DNAJC9: variants seen among roughly 807,000 people sequenced by gnomAD.
The protein encoded by DNAJC9 is DnaJ heat shock protein family (Hsp40) member C9.
Under a neutral mutation model 32.4 loss-of-function variants are expected in DNAJC9, and 18 were observed. That is an observed-to-expected ratio of 0.56 (90% CI 0.38 to 0.82). DNAJC9 has a LOEUF of 0.82. DNAJC9 is among the 40% of genes least tolerant of loss of function. The probability of loss-of-function intolerance (pLI) is 0.00; values close to 1 mark genes in which losing one functional copy is unlikely to be tolerated. For synonymous variants in DNAJC9, 113 were observed against 122.1 expected (o/e 0.93, Z 0.49); for missense variants, 310 against 321.8 (o/e 0.96, Z 0.28).
chr10:73,246,809 G>A lies in DNAJC9; in HGVS notation c.200C>T (p.Ser67Phe), dbSNP rs1390965909. 1.2e-6 allele frequency: 2 copies of A among 1,614,188 alleles called. No homozygotes were observed. The highest frequency in any genetic ancestry group is 3.3e-5 in the Admixed American group (2 of 60,026). The stretch of plus-strand genomic sequence containing the variant: ...TCTCTGTTCTCTGTCACTGAGAACG[G>A]AATAGACTTTTCCCAGGATCTGAGG... ...RRFQILGKVY[S>F]VLSDREQRAV... Residue 67 changes from serine to phenylalanine, a missense_variant, in exon 2 of 5, where the codon TCC (serine) becomes TTC (phenylalanine). Transcript: ENST00000372950.
downstream of DNAJC9, among the ~76,000 whole-genome samples, chr10:73,237,086 C>T (rs986596781): frequency 3.3e-5 from 5 of 152,100 alleles, no homozygotes; most frequent in Non-Finnish European, 7.4e-5. Context: ...AGATACCAGT[C>T]GCTGAATTTA....
At chr10:73,233,229 A>T in intron 2 of DNAJC9, 1 of 1,107,692 alleles carries the variant, frequency 9.0e-7, no homozygotes, top group Non-Finnish European at 1.3e-6. Context: ...TACAGAATTA[A>T]TTTAAATATA....
rs1314445081 is a variant in DNAJC9 at position 73,243,862 on chromosome 10, C to A, written c.644G>T (p.Ser215Ile). 1 of 1,613,944 alleles carries A rather than the reference C, an allele frequency of 6.2e-7. No individual in the cohort carries two copies. Among genetic ancestry groups the A allele is most frequent in the East Asian group, 2.2e-5 (1 of 44,866 alleles). ...KELGLDEGVD[S>I]LKAAIQSRQK... ...GTTTACCTGAATGGCTGCCTTCAGGCTATCCACGCCTTCATCAAGCCCCAA... is the reference window on the plus strand; with the variant it reads ...GTTTACCTGAATGGCTGCCTTCAGGATATCCACGCCTTCATCAAGCCCCAA... Residue 215 changes from serine (S) to isoleucine (I), a missense_variant, in exon 4 of 5, where the codon AGC becomes ATC. Ser to Ile is a moderately radical substitution (Grantham distance 142, BLOSUM62 -2). Transcript: ENST00000372950.
chr10:73,241,193 T>C (rs2043945212), downstream of DNAJC9: 1 of 581,848 alleles, frequency 1.7e-6, no homozygotes, highest in Non-Finnish European at 3.1e-6. Flanking sequence ...AAAAATGACA[T>C]GAGTGTTGTT....
intron 2 of DNAJC9, among the ~76,000 whole-genome samples, chr10:73,232,719 T>C (rs900333678): frequency 2.6e-5 from 4 of 152,196 alleles, no homozygotes; most frequent in African/African-American, 9.7e-5. Context: ...TTCTAGTAAA[T>C]TATGTTTATG....
chr10:73,239,298 CTT>C (rs906246006), downstream of DNAJC9: 1 of 1,550,058 alleles, frequency 6.5e-7, no homozygotes, highest in Admixed American at 2.0e-5. Context: ...AGTGTCTCCT[CTT>C]TTGTCTTGTA....
chr10:73,236,721 TTTTC>T (rs1161008620), downstream of DNAJC9, among the ~76,000 whole-genome samples: 2 of 147,552 alleles, frequency 1.4e-5, no homozygotes, highest in Non-Finnish European at 3.0e-5. Context: ...CTTTTTTTTC[TTTTC>T]TTTTTTTTTT....
At chr10:73,245,050 A>G (rs1004212474) in intron 3 of DNAJC9, among the ~76,000 whole-genome samples, 5 of 152,176 alleles carry the variant, frequency 3.3e-5, no homozygotes, top group African/African-American at 1.2e-4. Context: ...ACGACTTAAG[A>G]TAATTGTCAG....
chr10:73,239,341 A>G (rs372592126), downstream of DNAJC9: 64 of 1,551,620 alleles, frequency 4.1e-5, no homozygotes, highest in Admixed American at 2.9e-4. Flanking sequence ...GCTCATGTGC[A>G]GTTGAGTATC....
downstream of DNAJC9, chr10:73,241,212 C>T (rs576404333): frequency 1.0e-4 from 56 of 550,432 alleles, no homozygotes; most frequent in East Asian, 1.7e-3. Context: ...TTTCTATCTC[C>T]AGTTACTGTC....
At chr10:73,235,205 G>A (rs571636458), downstream of DNAJC9, 23 of 1,551,568 alleles carry the variant, frequency 1.5e-5, no homozygotes, top group Admixed American at 3.9e-5. Flanking sequence ...ACCCCATGGC[G>A]ACTCTAGTCG....
Position 73,233,082 on chromosome 10 carries a change from G to A in DNAJC9, n.147+10761C>T, listed in dbSNP as rs531266047. ...ACCAGGAGACGCAATCCACCACCACGAACTCTTCATCCGATCAGCACGAGC... is the reference window on the plus strand; with the variant it reads ...ACCAGGAGACGCAATCCACCACCACAAACTCTTCATCCGATCAGCACGAGC... On this transcript the variant is annotated intron_variant and non_coding_transcript_variant, in intron 2 of 2. Coordinates refer to the DNAJC9 transcript ENST00000469143. The A allele has an allele frequency of 4.5e-4, 695 of 1,551,574 alleles. 8 individuals are homozygous for A. In the South Asian group the frequency reaches 7.5e-3, roughly 17 times the overall value.
chr10:73,246,094 A>G lies in DNAJC9; in HGVS notation c.404T>C (p.Leu135Pro), dbSNP rs2044004349. 6.2e-7 allele frequency: 1 copy of G among 1,613,900 alleles called. No individual in the cohort carries two copies. The highest frequency in any genetic ancestry group is 8.5e-7 in the Non-Finnish European group (1 of 1,179,940). ...CTGATCCATGTCACCCTTGAAGTCC[A>G]GATAGGCCTGCTTAATATCAGCCAG... ...EELADIKQAY[L>P]DFKGDMDQIM... The change falls in exon 3 of 5, where the codon CTG becomes CCG. Residue 135 changes from leucine (L) to proline (P), a missense_variant. Leu to Pro is a moderately conservative substitution (Grantham distance 98). Coordinates refer to ENST00000372950, the MANE Select transcript of DNAJC9 (RefSeq NM_015190.5).
At chr10:73,240,452 C>T (rs1177928689), downstream of DNAJC9, among the ~76,000 whole-genome samples, 1 of 152,184 alleles carries the variant, frequency 6.6e-6, no homozygotes, top group Non-Finnish European at 1.5e-5. Flanking sequence ...GTGGCTCATG[C>T]CTGTAATCCC....
downstream of DNAJC9, among the ~76,000 whole-genome samples, chr10:73,240,764 G>T (rs543328161): frequency 2.0e-5 from 3 of 151,548 alleles, no homozygotes; most frequent in South Asian, 6.3e-4. Context: ...TGAAGTGGAA[G>T]TGAGTAAATC....
chr10:73,244,764 G>A (rs1298234252), intron 3 of DNAJC9, among the ~76,000 whole-genome samples: 1 of 150,204 alleles, frequency 6.7e-6, no homozygotes. Context: ...ACACCTTAGG[G>A]CAACAACTAT....
At chr10:73,233,114 T>A in intron 2 of DNAJC9, 2 of 1,551,786 alleles carry the variant, frequency 1.3e-6, no homozygotes, top group Non-Finnish European at 1.7e-6. Flanking sequence ...GAGCCATTCA[T>A]GTGCTGAAAC....
At position 73,246,775 on chromosome 10, in the gene DNAJC9, G is replaced by A; in HGVS notation, c.234C>T (p.Tyr78=). 1 of 1,614,114 alleles carries A rather than the reference G, an allele frequency of 6.2e-7. No individual in the cohort carries two copies. Reference sequence around the variant, plus strand: ...CCTCGTCCACTGTTCCCTGCTCATCGTACACTGCTCTCTGTTCTCTGTCAC... The same window carrying A: ...CCTCGTCCACTGTTCCCTGCTCATCATACACTGCTCTCTGTTCTCTGTCAC... ...VLSDREQRAV[Y]DEQGTVDEDS... The change falls in exon 2 of 5, where the codon TAC becomes TAT. Residue 78 remains tyrosine (Y), a synonymous_variant. Coordinates refer to ENST00000372950, the MANE Select transcript of DNAJC9 (RefSeq NM_015190.5).
chr10:73,234,722 C>T (rs1051773279), downstream of DNAJC9: 1 of 1,349,008 alleles, frequency 7.4e-7, no homozygotes, highest in South Asian at 1.4e-5. Context: ...GCACATTAAA[C>T]TCATCTGCTT....
Sources: allele counts gnomAD v4.1 joint callset (sites outside exome capture counted in the v4.1 genomes callset), GRCh38; gene constraint gnomAD v4.1.1; transcripts MANE v1.5; gene names NCBI Gene and HGNC (gene_info 2026-07-23, HGNC 2026-07-21).